EPHB1: variants seen among roughly 807,000 people sequenced by gnomAD.
The protein encoded by EPHB1 is ephrin type-B receptor 1.
A neutral mutation model predicts 94.4 loss-of-function variants in EPHB1; 30 were observed. The ratio of observed to expected loss-of-function variants is 0.32; its 90% CI spans 0.24 to 0.43. The LOEUF (loss-of-function observed/expected upper bound fraction) is 0.43, where lower values mean the gene tolerates loss of function less well. Among genes scored for constraint, EPHB1 ranks in the 20% least tolerant of loss-of-function variants. EPHB1 has a pLI of 1.00. For missense variants in EPHB1, 1,055 were observed against 1,308.3 expected, an observed-to-expected ratio of 0.81 and a Z score of 2.99; for synonymous variants, 522 against 489.1, an observed-to-expected ratio of 1.07 and a Z score of -0.89.
intron 3 of EPHB1, 117 bp from the exon 4 acceptor site, chr3:135,106,331 C>T (rs377117128): frequency 8.7e-5 from 98 of 1,128,036 alleles, no homozygotes; most frequent in South Asian, 3.8e-4. Context: ...TCCCTTGGTA[C>T]GAGAGGGGCA....
chr3:135,187,016 T>C (rs1423779456), intron 10 of EPHB1, among the ~76,000 whole-genome samples: 1 of 152,160 alleles, frequency 6.6e-6, no homozygotes, highest in Non-Finnish European at 1.5e-5. Flanking sequence ...TTTGGGAAAG[T>C]GCATTTTCTA....
At chr3:135,248,612 A>G (rs956038144) in intron 14 of EPHB1, 103 bp downstream of exon 14, 20 of 1,223,398 alleles carry the variant, frequency 1.6e-5, no homozygotes, top group Non-Finnish European at 2.1e-5. Context: ...TTTAAAGAGT[A>G]TCTAGTTGCA....
Position 134,795,384 on chromosome 3 carries a change from G to GCACACACCCACCTCTCCCATAAA in EPHB1, c.-240_-218dup, listed in dbSNP as rs949450407. On this transcript the variant is annotated 5_prime_UTR_variant, in exon 1 of 16. Transcript: ENST00000398015. ...CGCCCTCTCTCTCTCACACACGCAC[G>GCACACACCCACCTCTCCCATAAA]CACACACCCACCTCTCCCATAAACA... 2 of 523,172 alleles carry GCACACACCCACCTCTCCCATAAA rather than the reference G, an allele frequency of 3.8e-6. No individual in the cohort carries two copies. The highest frequency in any genetic ancestry group is 4.1e-5 in the African/African-American group (2 of 49,036). The allele number at this position is 523,172 out of a possible 1,614,324, so 32.4% of individuals were successfully genotyped here. A position where few individuals can be genotyped will look rare whatever the true frequency, so the allele number is the denominator to read the frequency against.
chr3:135,215,663 A>G (rs1031179750), intron 12 of EPHB1, among the ~76,000 whole-genome samples: 1 of 152,238 alleles, frequency 6.6e-6, no homozygotes, highest in East Asian at 1.9e-4. Flanking sequence ...GAACAGGGGA[A>G]AAGAAACTAA....
At chr3:135,140,946 G>A (rs1389591164) in intron 5 of EPHB1, among the ~76,000 whole-genome samples, 1 of 152,194 alleles carries the variant, frequency 6.6e-6, no homozygotes, top group African/African-American at 2.4e-5. Flanking sequence ...GGATGTGAAA[G>A]ATGGAGGAAA....
chr3:134,842,278 G>A (rs2036790914), intron 1 of EPHB1, among the ~76,000 whole-genome samples: 2 of 152,202 alleles, frequency 1.3e-5, no homozygotes, highest in South Asian at 4.1e-4. Context: ...CGAGAACTGT[G>A]AGACATAAAT....
At chr3:134,798,066 C>T (rs62272389) in intron 1 of EPHB1, among the ~76,000 whole-genome samples, 8,473 of 152,240 alleles carry the variant, frequency 0.056, 334 homozygotes, top group South Asian at 0.22. Flanking sequence ...CAATGAGCTG[C>T]CTACGGAGAG....
chr3:135,208,889 G>C (rs748517411), intron 12 of EPHB1, among the ~76,000 whole-genome samples: 4 of 152,150 alleles, frequency 2.6e-5, no homozygotes, highest in Non-Finnish European at 5.9e-5. Context: ...GGACTCATTA[G>C]AGACATGGCC....
At chr3:135,015,737 G>T (rs1935777177) in intron 3 of EPHB1, among the ~76,000 whole-genome samples, 2 of 152,168 alleles carry the variant, frequency 1.3e-5, no homozygotes, top group Non-Finnish European at 2.9e-5. Flanking sequence ...CCTGGGGGAG[G>T]TTTTAAATAA....
At chr3:135,083,615 G>C (rs545675587) in intron 3 of EPHB1, among the ~76,000 whole-genome samples, 1 of 151,962 alleles carries the variant, frequency 6.6e-6, no homozygotes, top group Middle Eastern at 3.4e-3. Context: ...GTGTATGGAG[G>C]GGGGATTAAT....
At chr3:134,961,156 AT>A (rs1256306032) in intron 3 of EPHB1, among the ~76,000 whole-genome samples, 5 of 152,104 alleles carry the variant, frequency 3.3e-5, no homozygotes, top group Non-Finnish European at 7.3e-5. Context: ...TATATATGAG[AT>A]TCAGCATTTT....
intron 4 of EPHB1, among the ~76,000 whole-genome samples, chr3:135,130,527 T>C (rs750387728): frequency 1.4e-4 from 22 of 152,174 alleles, no homozygotes; most frequent in Non-Finnish European, 2.2e-4. Context: ...GCAATGTAGA[T>C]AGATGCCAGG....
chr3:135,229,324 A>G (rs1003064717), intron 12 of EPHB1, among the ~76,000 whole-genome samples: 1 of 152,206 alleles, frequency 6.6e-6, no homozygotes, highest in Non-Finnish European at 1.5e-5. Flanking sequence ...TAAGTGACTT[A>G]GTTGTAACTG....
chr3:134,958,647 A>G (rs925679998), intron 3 of EPHB1, among the ~76,000 whole-genome samples: 1 of 152,144 alleles, frequency 6.6e-6, no homozygotes, highest in Admixed American at 6.5e-5. Flanking sequence ...GAGCTTCATA[A>G]TAGGATTTCC....
intron 6 of EPHB1, among the ~76,000 whole-genome samples, chr3:135,156,389 C>T (rs569807333): frequency 6.6e-6 from 1 of 152,304 alleles, no homozygotes; most frequent in East Asian, 1.9e-4. Context: ...GGGCCTGCAA[C>T]AGGGAGGCCA....
intron 3 of EPHB1, among the ~76,000 whole-genome samples, chr3:135,022,800 T>C (rs34996613): frequency 0.25 from 38,719 of 152,138 alleles, 6,427 homozygotes; most frequent in East Asian, 0.71. Context: ...TGGGTTTTAT[T>C]ACTCACCTCC....
intron 1 of EPHB1, among the ~76,000 whole-genome samples, chr3:134,876,671 TA>T (rs1367807423): frequency 6.6e-6 from 1 of 152,148 alleles, no homozygotes; most frequent in Non-Finnish European, 1.5e-5. Flanking sequence ...GTCATGTGGC[TA>T]ATGGTTATGG....
intron 3 of EPHB1, among the ~76,000 whole-genome samples, chr3:134,968,535 TGTTA>T (rs986091703): frequency 6.6e-6 from 1 of 152,252 alleles, no homozygotes; most frequent in African/African-American, 2.4e-5. Flanking sequence ...AATTGGTTTT[TGTTA>T]GTTAACATTT....
chr3:134,955,071 C>CTTTTTTTTTTTTTTTTTTTTTT (rs1197013147), intron 3 of EPHB1, among the ~76,000 whole-genome samples: 9 of 8,416 alleles, frequency 1.1e-3, no homozygotes, highest in South Asian at 9.6e-3. Context: ...GACATCCTTT[C>CTTTTTTTTTTTTTTTTTTTTTT]TTTTTTTTTT....
Sources: gnomAD v4.1 joint callset for allele counts (sites outside exome capture counted in the v4.1 genomes callset) on GRCh38, gnomAD v4.1.1 for gene constraint, MANE v1.5 for transcripts, NCBI Gene and HGNC (gene_info 2026-07-23, HGNC 2026-07-21) for gene names.